ARHGEF33: variants seen among roughly 807,000 people sequenced by gnomAD.
The protein encoded by ARHGEF33 is Rho guanine nucleotide exchange factor 33.
Under a neutral mutation model 101.9 loss-of-function variants are expected in ARHGEF33, and 72 were observed. The observed-to-expected ratio is 0.71, with a 90% CI of 0.58 to 0.86. The LOEUF is 0.86. Ranked by LOEUF, ARHGEF33 falls within the 40% of genes least tolerant of loss-of-function variation. The pLI, the probability that ARHGEF33 is intolerant of heterozygous loss-of-function variation, is 0.00. For synonymous variants in ARHGEF33, 499 were observed against 442.5 expected (o/e 1.13, Z -1.60); for missense variants, 1,169 against 1,111.3 (o/e 1.05, Z -0.74).
chr2:38,900,710 G>T (rs1666218711), intron 2 of ARHGEF33, among the ~76,000 whole-genome samples: 1 of 152,172 alleles, frequency 6.6e-6, no homozygotes. Context: ...GATTTGCAGA[G>T]CCGACGAGGT....
At chr2:38,917,216 C>T (rs1167983770) in intron 2 of ARHGEF33, among the ~76,000 whole-genome samples, 4 of 150,806 alleles carry the variant, frequency 2.7e-5, no homozygotes, top group Middle Eastern at 3.5e-3. Context: ...CTCAGCCTCC[C>T]GAGTAGCTGG....
At chr2:38,962,401 A>G (rs1667964157) in intron 16 of ARHGEF33, among the ~76,000 whole-genome samples, 1 of 152,222 alleles carries the variant, frequency 6.6e-6, no homozygotes, top group South Asian at 2.1e-4. Context: ...CAACAATTGT[A>G]AGGCAAAAAC....
intron 17 of ARHGEF33, among the ~76,000 whole-genome samples, chr2:38,967,936 CT>C (rs397871559): frequency 0.056 from 5,334 of 96,028 alleles, 456 homozygotes; most frequent in African/African-American, 0.18. Flanking sequence ...TTGAGCCTAT[CT>C]TTTTTTTTTT....
rs746042628 is a variant in ARHGEF33, at chr2:38,938,113, G to A, written c.790+554G>A. Among the ~76,000 whole-genome samples the A allele has an allele frequency of 5.3e-5, 8 of 152,066 alleles. No homozygotes were observed. The East Asian group carries it at 5.8e-4, about 11-fold the overall frequency. On this transcript the variant is annotated intron_variant, in intron 9 of 17. Transcript: ENST00000409978. ...TAAAAGGTTTGTTATGAAGAAGAGCGCCAACAACTTTAAACTCTTTTGACC... is the reference window on the plus strand; with the variant it reads ...TAAAAGGTTTGTTATGAAGAAGAGCACCAACAACTTTAAACTCTTTTGACC...
At chr2:38,921,132 T>G (rs908629532) in intron 3 of ARHGEF33, among the ~76,000 whole-genome samples, 2 of 152,228 alleles carry the variant, frequency 1.3e-5, no homozygotes, top group Non-Finnish European at 2.9e-5. Context: ...ACTTCCCTAC[T>G]GTAGTAGAAC....
At chr2:38,954,542 C>T (rs1667691542) in intron 13 of ARHGEF33, 86 bp downstream of exon 13, 2 of 758,558 alleles carry the variant, frequency 2.6e-6, no homozygotes, top group Non-Finnish European at 4.5e-6. Context: ...TACTGTAAAG[C>T]CTCAAGAATC....
chr2:38,918,685 A>G (rs1489359403), intron 2 of ARHGEF33, among the ~76,000 whole-genome samples: 1 of 152,126 alleles, frequency 6.6e-6, no homozygotes, highest in African/African-American at 2.4e-5. Context: ...GGAACATACT[A>G]TTTAATGGAA....
At chr2:38,935,645 T>G (rs989641886) in intron 7 of ARHGEF33, 130 bp from the exon 8 acceptor site, 9 of 330,844 alleles carry the variant, frequency 2.7e-5, no homozygotes, top group Non-Finnish European at 3.8e-5. Flanking sequence ...CTGTAATTTC[T>G]TTTTTTTACT....
At chr2:38,906,171 A>G (rs1370466091) in intron 2 of ARHGEF33, among the ~76,000 whole-genome samples, 1 of 150,328 alleles carries the variant, frequency 6.7e-6, no homozygotes, top group Non-Finnish European at 1.5e-5. Context: ...CCTGGGTGAC[A>G]GAGCAAGACT....
At chr2:38,971,951 A>G (rs1225401368) in intron 17 of ARHGEF33, 3 of 718,588 alleles carry the variant, frequency 4.2e-6, no homozygotes, top group South Asian at 3.0e-5. Context: ...TCAGGTAAAC[A>G]CTAAACAGTT....
chr2:38,967,936 CTT>C lies in ARHGEF33; in HGVS notation c.2483+1818_2483+1819del, dbSNP rs397871559. On this transcript the variant is annotated intron_variant, in intron 17 of 17. Coordinates refer to ENST00000409978, the MANE Select transcript of ARHGEF33 (RefSeq NM_001145451.5). ...TCCTAAGGGCACAGCTTGAGCCTAT[CTT>C]TTTTTTTTTTTTTTTTTTTTTTTTT... 2.2e-3 allele frequency among the ~76,000 whole-genome samples: 213 copies of C among 96,354 alleles called. 3 individuals are homozygous for C. Among genetic ancestry groups the C allele is most frequent in the African/African-American group, 7.4e-3 (191 of 25,648 alleles). 63.2% of individuals were successfully genotyped at this position (96,354 alleles called of 152,430 possible).
At chr2:38,925,240 ATT>A (rs1037984306) in intron 4 of ARHGEF33, among the ~76,000 whole-genome samples, 10 of 152,190 alleles carry the variant, frequency 6.6e-5, no homozygotes, top group African/African-American at 2.4e-4. Flanking sequence ...TTTTTTCTTC[ATT>A]TTTCTCTGTA....
chr2:38,947,841 G>A (rs543024935), intron 10 of ARHGEF33, among the ~76,000 whole-genome samples: 12 of 152,204 alleles, frequency 7.9e-5, no homozygotes, highest in East Asian at 3.9e-4. Flanking sequence ...CCACCAGGTG[G>A]CACACGTTTA....
At chr2:38,968,788 CT>C (rs1179712183) in intron 17 of ARHGEF33, among the ~76,000 whole-genome samples, 2 of 152,190 alleles carry the variant, frequency 1.3e-5, no homozygotes, top group Non-Finnish European at 2.9e-5. Flanking sequence ...GATTTCCTGG[CT>C]TTTTAGATCT....
At chr2:38,967,637 G>A (rs539561275) in intron 17 of ARHGEF33, among the ~76,000 whole-genome samples, 6 of 152,124 alleles carry the variant, frequency 3.9e-5, no homozygotes, top group African/African-American at 1.4e-4. Flanking sequence ...GTGCAATGGC[G>A]CAATCTCGGT....
At chr2:38,920,348 C>T (rs1158031695) in intron 3 of ARHGEF33, among the ~76,000 whole-genome samples, 1 of 151,582 alleles carries the variant, frequency 6.6e-6, no homozygotes. Context: ...TCCAGGCCAA[C>T]CTCTTTTTCT....
In ARHGEF33 at chr2:38,958,168, C is replaced by T; in HGVS notation, c.1505C>T (p.Pro502Leu). Residue 502 changes from proline to leucine, a missense_variant, in exon 15 of 18, where the codon CCT (proline) becomes CTT (leucine). Transcript: ENST00000409978. ...TCAGAAGAGTTGCTGCAACCCTACC[C>T]TTCTGCTCCCAGTTCTGGCCCTGCC... Reference protein sequence around the residue: ...IHSEELLQPYPSAPSSGPAIT... With the variant: ...IHSEELLQPYLSAPSSGPAIT... The T allele has an allele frequency of 6.4e-7, 1 of 1,551,780 alleles. No homozygotes were observed. The highest frequency in any genetic ancestry group is 8.7e-7 in the Non-Finnish European group (1 of 1,147,018).
chr2:38,923,805 AC>A (rs1037007013), intron 4 of ARHGEF33, among the ~76,000 whole-genome samples: 4 of 152,204 alleles, frequency 2.6e-5, no homozygotes, highest in African/African-American at 7.2e-5. Context: ...CCTAATCAAA[AC>A]AAATGCCAAA....
chr2:38,971,938 T>G, intron 17 of ARHGEF33: 1 of 718,584 alleles, frequency 1.4e-6, no homozygotes, highest in South Asian at 1.5e-5. Context: ...AGCTTTCCTA[T>G]TTTCAGGTAA....
Sources: allele counts gnomAD v4.1 joint callset (sites outside exome capture counted in the v4.1 genomes callset), GRCh38; gene constraint gnomAD v4.1.1; transcripts MANE v1.5; gene names NCBI Gene and HGNC (gene_info 2026-07-23, HGNC 2026-07-21).